Variants in LTBP1 observed in about 807,000 individuals in gnomAD.
The protein encoded by LTBP1 is latent transforming growth factor beta binding protein 1.
A neutral mutation model predicts 207.6 loss-of-function variants in LTBP1; 129 were observed. The observed-to-expected ratio is 0.62, with a 90% confidence interval of 0.54 to 0.72. LTBP1 has a LOEUF of 0.72. Among genes scored for constraint, LTBP1 ranks in the 30% least tolerant of loss-of-function variants. The pLI is 0.00. For synonymous variants in LTBP1, 963 were observed against 833.7 expected (o/e 1.16, Z -2.67); for missense variants, 2,281 against 2,217.2 (o/e 1.03, Z -0.58).
At chr2:33,224,536 A>G (rs2091323094) in intron 9 of LTBP1, among the ~76,000 whole-genome samples, 1 of 152,178 alleles carries the variant, frequency 6.6e-6, no homozygotes, top group Non-Finnish European at 1.5e-5. Flanking sequence ...TATTTAGCGT[A>G]ATTCACAGGA....
chr2:33,196,220 G>A (rs1218561644), intron 7 of LTBP1, among the ~76,000 whole-genome samples: 1 of 152,096 alleles, frequency 6.6e-6, no homozygotes, highest in African/African-American at 2.4e-5. Flanking sequence ...CACACAAGTA[G>A]CACGAACTTG....
Position 33,093,427 on chromosome 2 carries a change from T to C in LTBP1, c.864-17155T>C, listed in dbSNP as rs757070013. Among the ~76,000 whole-genome samples the C allele has an allele frequency of 3.3e-5, 5 of 152,164 alleles. No individual in the cohort carries two copies. The East Asian group carries it at 5.8e-4, about 18-fold the overall frequency. On this transcript the variant is annotated intron_variant, in intron 3 of 33. Coordinates refer to ENST00000404816, the MANE Select transcript of LTBP1 (RefSeq NM_206943.4). Reference sequence around the variant, plus strand: ...AAACAGTTGAAAAAAAATTACACAATTGGAACAATTCAAGCATTTTGAAAC... The same window carrying C: ...AAACAGTTGAAAAAAAATTACACAACTGGAACAATTCAAGCATTTTGAAAC...
At position 33,137,259 on chromosome 2, in the gene LTBP1, T is replaced by A. The variant is rs144436453; in HGVS notation, c.1201+2299T>A. 3.2e-3 allele frequency among the ~76,000 whole-genome samples: 480 copies of A among 152,314 alleles called. 4 individuals carry two copies. The highest frequency in any genetic ancestry group is 0.011 in the African/African-American group (441 of 41,562). On this transcript the variant is annotated intron_variant, in intron 5 of 33. Coordinates refer to ENST00000404816, the MANE Select transcript of LTBP1 (RefSeq NM_206943.4). Reference sequence around the variant, plus strand: ...TTTTTTCTTCTCTCTTTGTACTTGTTTATAGAATACTAAATCTTTTGACAA... The same window carrying A: ...TTTTTTCTTCTCTCTTTGTACTTGTATATAGAATACTAAATCTTTTGACAA...
At chr2:32,969,640 TATAC>T (rs1000783939) in intron 2 of LTBP1, among the ~76,000 whole-genome samples, 3 of 152,354 alleles carry the variant, frequency 2.0e-5, no homozygotes, top group African/African-American at 7.2e-5. Context: ...TTCCATGGTA[TATAC>T]ATACCACATT....
chr2:33,293,080 C>T, intron 19 of LTBP1, 80 bp from the exon 20 acceptor site: 4 of 1,448,730 alleles, frequency 2.8e-6, no homozygotes, highest in East Asian at 2.4e-5. Context: ...CTACTGTTTC[C>T]ATTTCTAACC....
chr2:33,292,123 CG>C lies in LTBP1; in HGVS notation c.3113-1035del, dbSNP rs530213063. ...CACTAGTGTCTGTCACTGTGACATA[CG>C]GTGGACCTACCCAGGGCCATTCAAA... On this transcript the variant is annotated intron_variant, in intron 19 of 33. Coordinates refer to ENST00000404816, the MANE Select transcript of LTBP1 (RefSeq NM_206943.4). Among the ~76,000 whole-genome samples, 15 of 152,246 alleles carry C rather than the reference CG, an allele frequency of 9.9e-5. No homozygotes were observed. In the East Asian group the frequency reaches 2.9e-3, roughly 29 times the overall value.
rs781419466 is a variant in LTBP1 at position 33,257,352 on chromosome 2, A to G, written c.2236A>G (p.Ile746Val). 1.9e-6 allele frequency: 3 copies of G among 1,614,104 alleles called. No homozygotes were observed. The highest frequency in any genetic ancestry group is 1.7e-5 in the Admixed American group (1 of 60,010). ...TVSGVHRRRP[I>V]HHHVGKGPVF... ...TTCTGGCGTTCATAGACGCAGGCCA[A>G]TCCATCACCATGTAGGTAAAGGACC... is the stretch of plus-strand genomic sequence containing the variant. The change falls in exon 12 of 34, where the codon ATC (isoleucine) becomes GTC (valine). Residue 746 changes from isoleucine to valine, a missense_variant. Ile to Val is a conservative substitution (Grantham distance 29). Around this residue, in one of 3 missense-constraint regions of LTBP1, gnomAD observed 1,671 missense variants for 1,634.8 expected, o/e 1.02. Transcript: ENST00000404816.
chr2:33,304,800 C>A (rs745446510), intron 22 of LTBP1, among the ~76,000 whole-genome samples: 19 of 152,170 alleles, frequency 1.2e-4, no homozygotes, highest in Non-Finnish European at 2.1e-4. Context: ...GTGCCCTTTG[C>A]TCTTGGTCAT....
intron 9 of LTBP1, among the ~76,000 whole-genome samples, chr2:33,240,590 G>T (rs1469004538): frequency 1.3e-5 from 2 of 149,978 alleles, no homozygotes; most frequent in Non-Finnish European, 3.0e-5. Context: ...ATGGGGATAA[G>T]TTGTTTGTTG....
chr2:33,346,344 T>A (rs2094700772), intron 25 of LTBP1, among the ~76,000 whole-genome samples: 1 of 152,184 alleles, frequency 6.6e-6, no homozygotes, highest in South Asian at 2.1e-4. Context: ...TGAACTTAAT[T>A]CTGTGGTTAC....
chr2:33,202,022 A>AACACACACACACACAC (rs10558832), intron 7 of LTBP1, among the ~76,000 whole-genome samples: 2,538 of 140,566 alleles, frequency 0.018, 64 homozygotes, highest in East Asian at 0.08. Flanking sequence ...TTAGCACTGG[A>AACACACACACACACAC]ACACACACAC....
chr2:32,999,512 T>G lies in LTBP1; in HGVS notation c.566-21397T>G, dbSNP rs1355917960. ...AGGACTCCCAACACTGCTTTCTCCT[T>G]CCTCCTCTCTGCTCTTCCACCATCC... On this transcript the variant is annotated intron_variant, in intron 2 of 33. Coordinates refer to ENST00000404816, the MANE Select transcript of LTBP1 (RefSeq NM_206943.4). Among the ~76,000 whole-genome samples the G allele has an allele frequency of 1.5e-5, 2 of 133,138 alleles. 1 individual carries two copies. Among genetic ancestry groups the G allele is most frequent in the Non-Finnish European group, 3.3e-5 (2 of 60,812 alleles). 87.3% of individuals were successfully genotyped at this position (133,138 alleles called of 152,430 possible).
At chr2:33,279,898 C>A in intron 18 of LTBP1, 141 bp from the exon 19 acceptor site, 1 of 772,812 alleles carries the variant, frequency 1.3e-6, no homozygotes. Flanking sequence ...AGTATAGACC[C>A]AATGTCTCAC....
chr2:33,133,478 T>A (rs565940624), intron 4 of LTBP1, among the ~76,000 whole-genome samples: 1 of 152,268 alleles, frequency 6.6e-6, no homozygotes, highest in Non-Finnish European at 1.5e-5. Context: ...TTCTGCCTAG[T>A]CTCCTGGAAA....
chr2:33,384,714 T>C (rs1217780623), intron 31 of LTBP1, among the ~76,000 whole-genome samples: 4 of 152,234 alleles, frequency 2.6e-5, no homozygotes, highest in African/African-American at 7.2e-5. Context: ...TGGGAAGTTA[T>C]GGAAATAGTT....
intron 2 of LTBP1, among the ~76,000 whole-genome samples, chr2:32,998,512 TAAAAAAAAA>T (rs769287082): frequency 2.1e-4 from 6 of 29,264 alleles, no homozygotes; most frequent in African/African-American, 5.1e-4. Context: ...GACTCCATCT[TAAAAAAAAA>T]AAAAAAAAAA....
At chr2:33,191,047 G>A (rs1199870130) in intron 7 of LTBP1, among the ~76,000 whole-genome samples, 2 of 152,164 alleles carry the variant, frequency 1.3e-5, no homozygotes, top group African/African-American at 4.8e-5. Flanking sequence ...CAAATTTCGT[G>A]CCATTTGCAT....
At chr2:33,232,739 T>G (rs2091858158) in intron 9 of LTBP1, among the ~76,000 whole-genome samples, 1 of 152,186 alleles carries the variant, frequency 6.6e-6, no homozygotes, top group African/African-American at 2.4e-5. Context: ...TATTTTTATC[T>G]GGTTAATCTG....
At chr2:33,235,897 C>T (rs2092023708) in intron 9 of LTBP1, among the ~76,000 whole-genome samples, 1 of 152,094 alleles carries the variant, frequency 6.6e-6, no homozygotes, top group African/African-American at 2.4e-5. Flanking sequence ...ACACTGGGGC[C>T]TGTTGGGAGG....
Sources: gnomAD v4.1 joint callset for allele counts (sites outside exome capture counted in the v4.1 genomes callset) on GRCh38, gnomAD v4.1.1 for gene constraint, gnomAD v4.1.1 regional missense constraint, MANE v1.5 for transcripts, NCBI Gene and HGNC (gene_info 2026-07-23, HGNC 2026-07-21) for gene names.